Variants in DIP2C observed in about 807,000 individuals in gnomAD.
DIP2C encodes the protein disco-interacting protein 2 homolog C.
A neutral mutation model predicts 192.4 loss-of-function variants in DIP2C; 33 were observed. The ratio of observed to expected loss-of-function variants is 0.17; its 90% CI spans 0.13 to 0.23. DIP2C has a LOEUF of 0.23. Among genes scored for constraint, DIP2C ranks in the 10% least tolerant of loss-of-function variants. The probability of loss-of-function intolerance (pLI) is 1.00; values close to 1 mark genes in which losing one functional copy is unlikely to be tolerated. For missense variants in DIP2C, 1,537 were observed against 2,110.1 expected (o/e 0.73, Z 5.32); for synonymous variants, 979 against 864.1 (o/e 1.13, Z -2.33).
At chr10:411,506 C>T (rs1028159723) in intron 8 of DIP2C, among the ~76,000 whole-genome samples, 63 of 152,314 alleles carry the variant, frequency 4.1e-4, no homozygotes, top group African/African-American at 1.4e-3. Context: ...GCTACCCCAG[C>T]GCTTCGTAGG....
At chr10:474,980 CG>C (rs1311413327) in intron 2 of DIP2C, among the ~76,000 whole-genome samples, 2 of 152,104 alleles carry the variant, frequency 1.3e-5, no homozygotes, top group Non-Finnish European at 2.9e-5. Context: ...TTTCTTCTCA[CG>C]GGGGCACACC....
At chr10:443,618 G>A (rs1011284992) in intron 3 of DIP2C, among the ~76,000 whole-genome samples, 2 of 152,086 alleles carry the variant, frequency 1.3e-5, no homozygotes, top group African/African-American at 2.4e-5. Context: ...TACATCTGTC[G>A]GGAGCCACCA....
intron 2 of DIP2C, 102 bp from the exon 3 acceptor site, chr10:472,651 T>A: frequency 9.5e-7 from 1 of 1,049,564 alleles, no homozygotes; most frequent in Admixed American, 1.9e-5. Flanking sequence ...AAGCCAGAGC[T>A]ACCCACGGGA....
At chr10:679,398 TG>T (rs1323056339) in intron 1 of DIP2C, among the ~76,000 whole-genome samples, 5 of 34,988 alleles carry the variant, frequency 1.4e-4, no homozygotes, top group Non-Finnish European at 3.0e-4. Flanking sequence ...CCCGCGCCCA[TG>T]CTCCCCACAC....
chr10:487,215 C>T (rs754815356), intron 1 of DIP2C, among the ~76,000 whole-genome samples: 13 of 152,230 alleles, frequency 8.5e-5, no homozygotes, highest in Non-Finnish European at 1.5e-4. Flanking sequence ...CCTTCCCATT[C>T]ACAAGCTCCA....
At chr10:479,777 G>A (rs1037230811) in intron 2 of DIP2C, among the ~76,000 whole-genome samples, 2 of 152,204 alleles carry the variant, frequency 1.3e-5, no homozygotes, top group Non-Finnish European at 2.9e-5. Context: ...AGTGATCCAG[G>A]GACGGGAGAG....
chr10:331,093 G>C (rs1391410208), intron 29 of DIP2C, among the ~76,000 whole-genome samples: 1 of 151,292 alleles, frequency 6.6e-6, no homozygotes, highest in African/African-American at 2.4e-5. Context: ...TAGGATTATA[G>C]GCATGAGCTG....
intron 1 of DIP2C, among the ~76,000 whole-genome samples, chr10:593,240 G>C (rs528785253): frequency 1.3e-5 from 2 of 152,042 alleles, no homozygotes; most frequent in African/African-American, 4.8e-5. Flanking sequence ...TGGTCTCATC[G>C]TCATCTGGGG....
chr10:512,876 T>C (rs1020564176), intron 1 of DIP2C, among the ~76,000 whole-genome samples: 4 of 136,256 alleles, frequency 2.9e-5, no homozygotes, highest in African/African-American at 8.7e-5. Context: ...ATTGCGCCAC[T>C]GTACTCCACT....
At chr10:527,019 C>T (rs910830186) in intron 1 of DIP2C, among the ~76,000 whole-genome samples, 5 of 152,212 alleles carry the variant, frequency 3.3e-5, no homozygotes, top group Admixed American at 2.0e-4. Flanking sequence ...TAAGGGCAGC[C>T]GTCCTGGGGG....
At chr10:601,480 T>G (rs917159662) in intron 1 of DIP2C, among the ~76,000 whole-genome samples, 4 of 152,180 alleles carry the variant, frequency 2.6e-5, no homozygotes, top group African/African-American at 7.2e-5. Flanking sequence ...GTGGGTTGGC[T>G]CACTCAATTT....
chr10:678,207 A>T (rs1354724893), intron 1 of DIP2C, among the ~76,000 whole-genome samples: 3 of 152,138 alleles, frequency 2.0e-5, no homozygotes, highest in African/African-American at 7.2e-5. Flanking sequence ...AGATGTCCCC[A>T]GATACACCAG....
At chr10:568,788 A>AAAAAACAAAC (rs1849602673) in intron 1 of DIP2C, among the ~76,000 whole-genome samples, 1 of 142,532 alleles carries the variant, frequency 7.0e-6, no homozygotes, top group Admixed American at 6.9e-5. Context: ...AAAAAAAAAA[A>AAAAAACAAAC]AAAAAAAAAA....
chr10:627,067 C>A (rs1349883319), intron 1 of DIP2C, among the ~76,000 whole-genome samples: 2 of 152,238 alleles, frequency 1.3e-5, no homozygotes, highest in East Asian at 3.9e-4. Flanking sequence ...CTCGCCGTAC[C>A]AGGATTTCGC....
At chr10:484,221 T>G (rs1166050165) in intron 2 of DIP2C, among the ~76,000 whole-genome samples, 1 of 152,256 alleles carries the variant, frequency 6.6e-6, no homozygotes, top group Admixed American at 6.5e-5. Context: ...ACTCCCTTTT[T>G]GCATCATGAA....
intron 18 of DIP2C, among the ~76,000 whole-genome samples, chr10:368,014 GC>G (rs1960494290): frequency 6.2e-4 from 1 of 1,608 alleles, no homozygotes; most frequent in African/African-American, 8.4e-4. Flanking sequence ...CTGCTGCACA[GC>G]CCCAGGTGCC....
At chr10:319,596 A>AT (rs1956920291) in intron 31 of DIP2C, among the ~76,000 whole-genome samples, 1 of 152,230 alleles carries the variant, frequency 6.6e-6, no homozygotes, top group African/African-American at 2.4e-5. Flanking sequence ...GCTGTGAGAA[A>AT]TATATTTCCA....
At chr10:684,698 A>G (rs1831247954) in intron 1 of DIP2C, among the ~76,000 whole-genome samples, 1 of 152,096 alleles carries the variant, frequency 6.6e-6, no homozygotes, top group Non-Finnish European at 1.5e-5. Context: ...ACCTTGTGCC[A>G]AGTGTCCTGA....
intron 1 of DIP2C, among the ~76,000 whole-genome samples, chr10:618,022 G>A (rs575939321): frequency 6.6e-6 from 1 of 152,314 alleles, no homozygotes; most frequent in South Asian, 2.1e-4. Flanking sequence ...CCAGGACCCA[G>A]TACTGTCCCA....
Sources: gnomAD v4.1 joint callset for allele counts (sites outside exome capture counted in the v4.1 genomes callset) on GRCh38, gnomAD v4.1.1 for gene constraint, MANE v1.5 for transcripts, NCBI Gene and HGNC (gene_info 2026-07-23, HGNC 2026-07-21) for gene names.